PDE1C: variants seen among roughly 807,000 people sequenced by gnomAD.
PDE1C encodes phosphodiesterase 1C.
Under a neutral mutation model 93.1 loss-of-function variants are expected in PDE1C, and 62 were observed. The ratio of observed to expected loss-of-function variants is 0.67; its 90% CI spans 0.54 to 0.82. PDE1C has a LOEUF of 0.82. Ranked by LOEUF, PDE1C falls within the 40% of genes least tolerant of loss-of-function variation. PDE1C has a pLI of 0.00. For missense variants in PDE1C, 742 were observed against 884.6 expected, an observed-to-expected ratio of 0.84 and a Z score of 2.04; for synonymous variants, 325 against 310.1, an observed-to-expected ratio of 1.05 and a Z score of -0.50.
chr7:32,416,792 T>C (rs1473601248), intron 1 of PDE1C, among the ~76,000 whole-genome samples: 2 of 152,098 alleles, frequency 1.3e-5, no homozygotes, highest in Non-Finnish European at 2.9e-5. Context: ...GGGTCAAGTC[T>C]GTATGGTTAA....
At chr7:32,120,835 G>A (rs773368932) in intron 3 of PDE1C, among the ~76,000 whole-genome samples, 5 of 152,070 alleles carry the variant, frequency 3.3e-5, no homozygotes, top group East Asian at 1.9e-4. Flanking sequence ...CCAAATGATC[G>A]CAGTGCCTCT....
At chr7:32,242,170 G>C (rs1808586962) in intron 1 of PDE1C, among the ~76,000 whole-genome samples, 1 of 152,140 alleles carries the variant, frequency 6.6e-6, no homozygotes, top group Non-Finnish European at 1.5e-5. Flanking sequence ...AGCAAATAGA[G>C]GGGAGAGAGA....
chr7:31,679,276 A>G, the PDE1C span, among the ~76,000 whole-genome samples: 3 of 152,346 alleles, frequency 2.0e-5, no homozygotes, highest in Admixed American at 1.3e-4. Context: ...CTCATTGGCA[A>G]AAGGCAAGAG....
At chr7:31,620,171 TG>T in the PDE1C span, among the ~76,000 whole-genome samples, 1 of 152,152 alleles carries the variant, frequency 6.6e-6, no homozygotes, top group East Asian at 1.9e-4. Flanking sequence ...GCTCCACCTC[TG>T]GGGGCAGGGC....
chr7:32,205,684 C>T (rs997640509), intron 2 of PDE1C, among the ~76,000 whole-genome samples: 16 of 152,332 alleles, frequency 1.1e-4, no homozygotes, highest in Admixed American at 4.6e-4. Flanking sequence ...TTTCCTGCTG[C>T]TGGCTTTTTA....
chr7:31,687,813 G>A, the PDE1C span, among the ~76,000 whole-genome samples: 290 of 152,246 alleles, frequency 1.9e-3, 1 homozygote, highest in African/African-American at 6.3e-3. Flanking sequence ...GTGCATTAAC[G>A]AGATACCACA....
chr7:32,138,933 T>G (rs2128778551), intron 3 of PDE1C, among the ~76,000 whole-genome samples: 1 of 152,314 alleles, frequency 6.6e-6, no homozygotes, highest in East Asian at 1.9e-4. Context: ...GCAGTAAAAC[T>G]TTCTGCAATG....
At chr7:31,830,281 T>C (rs1346271774) in intron 11 of PDE1C, among the ~76,000 whole-genome samples, 1 of 152,078 alleles carries the variant, frequency 6.6e-6, no homozygotes, top group Non-Finnish European at 1.5e-5. Context: ...CAATACTGTA[T>C]GACTCTACAG....
At chr7:32,398,765 T>C (rs1188576183) in intron 1 of PDE1C, among the ~76,000 whole-genome samples, 3 of 152,028 alleles carry the variant, frequency 2.0e-5, no homozygotes, top group Non-Finnish European at 4.4e-5. Context: ...ATAAATGACC[T>C]GATATTACTC....
chr7:32,307,959 C>T lies in PDE1C; in HGVS notation c.311-98420G>A, dbSNP rs148463785. On this transcript the variant is annotated intron_variant, in intron 1 of 1. Coordinates refer to the PDE1C transcript ENST00000672256. ...GTCTCACTTGGGAAGTGCAAGGGGT[C>T]GGGGAGTTCCCTTTCCTAGTCAAAG... Among the ~76,000 whole-genome samples the T allele has an allele frequency of 9.2e-4, 140 of 152,322 alleles. 1 individual carries two copies. The highest frequency in any genetic ancestry group is 3.1e-3 in the African/African-American group (127 of 41,572).
intron 2 of PDE1C, among the ~76,000 whole-genome samples, chr7:32,049,709 G>A (rs1432762634): frequency 6.6e-6 from 1 of 152,116 alleles, no homozygotes; most frequent in Non-Finnish European, 1.5e-5. Context: ...TAATCTGCAT[G>A]TAATCTGTTT....
At chr7:32,211,340 AATGTTTTG>A (rs1442361511) in intron 1 of PDE1C, among the ~76,000 whole-genome samples, 1 of 152,238 alleles carries the variant, frequency 6.6e-6, no homozygotes, top group Non-Finnish European at 1.5e-5. Flanking sequence ...TGTCTTCTAA[AATGTTTTG>A]TAGAACCACC....
At chr7:31,628,448 C>CT in the PDE1C span, among the ~76,000 whole-genome samples, 3,644 of 143,440 alleles carry the variant, frequency 0.025, 55 homozygotes, top group Non-Finnish European at 0.033. Flanking sequence ...AGCGTGATTC[C>CT]TTTTTTTTTT....
intron 1 of PDE1C, among the ~76,000 whole-genome samples, chr7:32,413,948 C>A (rs1480599793): frequency 6.6e-6 from 1 of 152,112 alleles, no homozygotes; most frequent in Admixed American, 6.5e-5. Context: ...TGCGTTGGTT[C>A]ATGCCTGTAA....
intron 8 of PDE1C, among the ~76,000 whole-genome samples, chr7:31,848,645 A>G (rs1022659450): frequency 6.6e-6 from 1 of 152,176 alleles, no homozygotes; most frequent in Non-Finnish European, 1.5e-5. Flanking sequence ...TTTAGTTCCT[A>G]TCTCAAAGAC....
At chr7:32,189,728 G>T (rs1274108466) in intron 2 of PDE1C, among the ~76,000 whole-genome samples, 2 of 152,114 alleles carry the variant, frequency 1.3e-5, no homozygotes, top group Non-Finnish European at 2.9e-5. Context: ...AGTAATTGAA[G>T]ATTTAGGGTT....
At chr7:32,081,626 T>G (rs1010162626) in intron 3 of PDE1C, among the ~76,000 whole-genome samples, 6 of 152,190 alleles carry the variant, frequency 3.9e-5, no homozygotes, top group African/African-American at 7.2e-5. Context: ...ACCTGGGACT[T>G]TTGACCACTT....
At chr7:31,964,814 C>T (rs1479435123) in intron 2 of PDE1C, among the ~76,000 whole-genome samples, 4 of 152,144 alleles carry the variant, frequency 2.6e-5, no homozygotes, top group South Asian at 2.1e-4. Flanking sequence ...TATGCTGTTC[C>T]GCAGCCACCG....
intron 2 of PDE1C, among the ~76,000 whole-genome samples, chr7:32,048,720 A>C (rs1305952944): frequency 1.3e-5 from 2 of 152,166 alleles, no homozygotes; most frequent in African/African-American, 4.8e-5. Flanking sequence ...TAAGCCACTA[A>C]GTTGAGGATG....
Sources: allele counts gnomAD v4.1 joint callset (sites outside exome capture counted in the v4.1 genomes callset), GRCh38; gene constraint gnomAD v4.1.1; transcripts MANE v1.5; gene names NCBI Gene and HGNC (gene_info 2026-07-23, HGNC 2026-07-21).